Variants in ERC1 observed in about 807,000 individuals in gnomAD.
The protein encoded by ERC1 is ELKS/RAB6-interacting/CAST family member 1, also known as RAB6 interacting protein 2.
A neutral mutation model predicts 132.0 loss-of-function variants in ERC1; 56 were observed. The ratio of observed to expected loss-of-function variants is 0.42; its 90% CI spans 0.34 to 0.53. The LOEUF is 0.53. ERC1 is among the 20% of genes least tolerant of loss of function. ERC1 has a pLI of 0.03. For missense variants in ERC1, 1,202 were observed against 1,349.9 expected, an observed-to-expected ratio of 0.89 and a Z score of 1.72; for synonymous variants, 478 against 476.1, an observed-to-expected ratio of 1.00 and a Z score of -0.05.
intron 18 of ERC1, among the ~76,000 whole-genome samples, chr12:1,466,461 T>C (rs2093745679): frequency 6.6e-6 from 1 of 152,146 alleles, no homozygotes; most frequent in Non-Finnish European, 1.5e-5. Flanking sequence ...ACCTATGAAT[T>C]TGGTGGGGAC....
chr12:1,250,694 G>A (rs2076420016), intron 13 of ERC1, among the ~76,000 whole-genome samples: 1 of 152,098 alleles, frequency 6.6e-6, no homozygotes, highest in Non-Finnish European at 1.5e-5. Flanking sequence ...TCCCTTAGTT[G>A]AGAATATTAA....
At chr12:1,429,870 C>A (rs895567029) in intron 17 of ERC1, among the ~76,000 whole-genome samples, 1 of 152,104 alleles carries the variant, frequency 6.6e-6, no homozygotes, top group Non-Finnish European at 1.5e-5. Context: ...CATAGTAGTT[C>A]GGGTGTATGT....
intron 17 of ERC1, among the ~76,000 whole-genome samples, chr12:1,441,765 T>C (rs956667439): frequency 2.0e-5 from 3 of 152,142 alleles, no homozygotes; most frequent in Non-Finnish European, 4.4e-5. Flanking sequence ...AAATGAGGAA[T>C]GAAATAGGGA....
chr12:1,096,829 C>T (rs1371137787), intron 3 of ERC1, among the ~76,000 whole-genome samples: 1 of 152,196 alleles, frequency 6.6e-6, no homozygotes, highest in Non-Finnish European at 1.5e-5. Flanking sequence ...TTCACAGCCA[C>T]CCAGAAGTCC....
In ERC1 at chr12:1,029,351, GA is replaced by G. The variant is rs1251538511; in HGVS notation, c.669+787del. ...TGGAGTGAGACTCTGTCTCAAAAAAGAAAAAAAAGTTAATGTTGATGATGTA... is the reference window on the plus strand; with the variant it reads ...TGGAGTGAGACTCTGTCTCAAAAAAGAAAAAAAGTTAATGTTGATGATGTA... On this transcript the variant is annotated intron_variant, in intron 2 of 18. Coordinates refer to ENST00000360905, the MANE Select transcript of ERC1 (RefSeq NM_178040.4). Among the ~76,000 whole-genome samples the G allele has an allele frequency of 2.6e-5, 4 of 151,264 alleles. No individual in the cohort carries two copies. The East Asian group carries it at 5.8e-4, about 22-fold the overall frequency.
intron 14 of ERC1, among the ~76,000 whole-genome samples, chr12:1,289,578 C>T (rs1199476882): frequency 6.6e-6 from 1 of 152,078 alleles, no homozygotes; most frequent in East Asian, 1.9e-4. Context: ...TCTGTGGCAG[C>T]GTGCGACTTC....
chr12:1,091,677 C>G (rs759640298), intron 3 of ERC1, among the ~76,000 whole-genome samples: 28 of 152,136 alleles, frequency 1.8e-4, no homozygotes, highest in Non-Finnish European at 3.7e-4. Flanking sequence ...CCATTTTATT[C>G]AAAATGGGAG....
rs369129048 is a variant in ERC1 at position 1,004,641 on chromosome 12, G to C, written c.-157+13319G>C. ...AGGCTGGTCTCAAACTCCTGACCTT[G>C]TGATCCAACCGCCTTGGCCCCCCAA... On this transcript the variant is annotated intron_variant, in intron 1 of 18. Transcript: ENST00000360905. Among the ~76,000 whole-genome samples the C allele has an allele frequency of 1.5e-4, 22 of 151,564 alleles. No homozygotes were observed. The East Asian group carries it at 2.1e-3, about 15-fold the overall frequency.
intron 14 of ERC1, among the ~76,000 whole-genome samples, chr12:1,271,733 AT>A (rs2077871417): frequency 6.6e-6 from 1 of 152,180 alleles, no homozygotes; most frequent in South Asian, 2.1e-4. Context: ...CTCTTCTGAG[AT>A]CCAAAGTTAT....
At chr12:1,043,078 C>G (rs1970529558) in intron 2 of ERC1, among the ~76,000 whole-genome samples, 1 of 144,086 alleles carries the variant, frequency 6.9e-6, no homozygotes. Context: ...GAGCCTTGCT[C>G]TCTCGCCCAG....
At chr12:1,456,743 C>G (rs1015495571) in intron 18 of ERC1, among the ~76,000 whole-genome samples, 3 of 151,862 alleles carry the variant, frequency 2.0e-5, no homozygotes, top group South Asian at 2.1e-4. Flanking sequence ...ATCTGAGTCT[C>G]ACAGTACTCC....
chr12:1,327,239 A>G (rs2082509917), intron 15 of ERC1, among the ~76,000 whole-genome samples: 2 of 152,174 alleles, frequency 1.3e-5, no homozygotes, highest in South Asian at 4.1e-4. Flanking sequence ...TATTAAAGTC[A>G]TGAGTGATTT....
intron 17 of ERC1, among the ~76,000 whole-genome samples, chr12:1,427,289 C>T (rs1565416653): frequency 6.6e-6 from 1 of 152,164 alleles, no homozygotes; most frequent in Non-Finnish European, 1.5e-5. Flanking sequence ...ACCTGGGTGC[C>T]TCGATGCCTA....
At chr12:1,195,252 C>T (rs1446967939) in intron 12 of ERC1, among the ~76,000 whole-genome samples, 1 of 152,134 alleles carries the variant, frequency 6.6e-6, no homozygotes, top group African/African-American at 2.4e-5. Flanking sequence ...TTCCCTTTTG[C>T]CCCTTTACAG....
At chr12:1,115,832 C>A in intron 6 of ERC1, 34 bp from the exon 7 acceptor site, 2 of 1,585,922 alleles carry the variant, frequency 1.3e-6, no homozygotes, top group East Asian at 2.3e-5. Flanking sequence ...TGTTTTATTT[C>A]TTTTTTCCTT....
At chr12:1,039,803 A>T (rs1969861609) in intron 2 of ERC1, among the ~76,000 whole-genome samples, 1 of 152,174 alleles carries the variant, frequency 6.6e-6, no homozygotes, top group Non-Finnish European at 1.5e-5. Flanking sequence ...AATGTTGGGG[A>T]ACTCACTTTT....
intron 3 of ERC1, among the ~76,000 whole-genome samples, chr12:1,084,758 C>G (rs888481191): frequency 4.0e-5 from 6 of 151,880 alleles, no homozygotes; most frequent in Non-Finnish European, 5.9e-5. Flanking sequence ...GTGGCATGAT[C>G]ATGGCTCACT....
At position 1,423,012 on chromosome 12, in the gene ERC1, C is replaced by T. The variant is rs116594851; in HGVS notation, c.3024+14765C>T. 3.4e-3 allele frequency among the ~76,000 whole-genome samples: 522 copies of T among 152,242 alleles called. 1 individual carries two copies. The highest frequency in any genetic ancestry group is 6.9e-3 in the African/African-American group (288 of 41,544). On this transcript the variant is annotated intron_variant, in intron 17 of 18. Transcript: ENST00000360905. The stretch of plus-strand genomic sequence containing the variant: ...CTCAGCGTAATTTTGGTTGGGAGGC[C>T]GTTAGGCTAAGGCAGCTCCAATGCC...
intron 8 of ERC1, among the ~76,000 whole-genome samples, chr12:1,172,387 G>A (rs12322088): frequency 0.026 from 3,890 of 152,208 alleles, 166 homozygotes; most frequent in African/African-American, 0.088. Flanking sequence ...AGGATTACTC[G>A]TGCTCAGGAG....
Sources: allele counts gnomAD v4.1 joint callset (sites outside exome capture counted in the v4.1 genomes callset), GRCh38; gene constraint gnomAD v4.1.1; transcripts MANE v1.5; gene names NCBI Gene and HGNC (gene_info 2026-07-23, HGNC 2026-07-21).